The following KCTD13 variants were observed in gnomAD, a reference collection of about 807,000 sequenced individuals.
KCTD13 encodes the protein BTB/POZ domain-containing adapter for CUL3-mediated RhoA degradation protein 1.
In KCTD13, 15 loss-of-function variants were observed where a neutral mutation model predicts 32.3. The observed-to-expected ratio is 0.46, with a 90% confidence interval of 0.31 to 0.71. The LOEUF is 0.71. Ranked by LOEUF, KCTD13 falls within the 30% of genes least tolerant of loss-of-function variation. KCTD13 has a pLI of 0.05. For missense variants in KCTD13, 337 were observed against 452.6 expected, an observed-to-expected ratio of 0.74 and a Z score of 2.32; for synonymous variants, 189 against 200.1, an observed-to-expected ratio of 0.94 and a Z score of 0.47.
intron 1 of KCTD13, among the ~76,000 whole-genome samples, chr16:29,924,174 C>CAAA (rs72170823): frequency 7.0e-6 from 1 of 143,614 alleles, no homozygotes; most frequent in Admixed American, 6.9e-5. Flanking sequence ...AACTCCATCT[C>CAAA]AAAAAAAAAG....
At chr16:29,911,689 C>CGAAT (rs1198997243) in intron 4 of KCTD13, 126 bp downstream of exon 4, 9 of 995,548 alleles carry the variant, frequency 9.0e-6, no homozygotes, top group Non-Finnish European at 1.2e-5. Context: ...GAGGCGAAGC[C>CGAAT]GAATCTGCGA....
intron 5 of KCTD13, among the ~76,000 whole-genome samples, chr16:29,907,732 G>A (rs749447214): frequency 5.3e-5 from 8 of 152,034 alleles, no homozygotes; most frequent in Non-Finnish European, 7.3e-5. Flanking sequence ...AGGTTGCAGT[G>A]AGCCAAGATT....
At chr16:29,925,429 C>A in intron 1 of KCTD13, 2 of 302,936 alleles carry the variant, frequency 6.6e-6, no homozygotes, top group South Asian at 3.2e-5. Flanking sequence ...AGGAAGGCTG[C>A]CAGGAGTAGT....
chr16:29,912,330 T>C (rs1306203636), intron 2 of KCTD13: 2 of 521,330 alleles, frequency 3.8e-6, no homozygotes, highest in South Asian at 2.5e-5. Flanking sequence ...CAGCGTGGCG[T>C]GTCCGTCATG....
At chr16:29,914,263 C>G (rs1376600862) in intron 2 of KCTD13, 2 of 152,058 alleles carry the variant, frequency 1.3e-5, no homozygotes, top group Non-Finnish European at 2.9e-5. Flanking sequence ...ACCGCTGGCT[C>G]TCAGTGATTT....
intron 2 of KCTD13, among the ~76,000 whole-genome samples, chr16:29,916,784 C>G (rs1438970552): frequency 6.6e-6 from 1 of 152,192 alleles, no homozygotes; most frequent in Admixed American, 6.6e-5. Context: ...CTGGGTGGCC[C>G]TGGCCCAGAA....
chr16:29,911,913 G>A, intron 3 of KCTD13, 46 bp from the exon 4 acceptor site: 1 of 1,609,650 alleles, frequency 6.2e-7, no homozygotes, highest in Non-Finnish European at 8.5e-7. Context: ...GCTGCAGGGA[G>A]AGGCCCCCCC....
chr16:29,926,087 T>C lies in KCTD13; in HGVS notation c.-54A>G, dbSNP rs1384270308. On this transcript the variant is annotated 5_prime_UTR_variant, in exon 1 of 6. Coordinates refer to ENST00000568000, the MANE Select transcript of KCTD13 (RefSeq NM_178863.5). ...CAGGATCTCTCCGCGCCCTGCGGCC[T>C]GCTCCCGAAGACCCTCGGCCGGCCC... The C allele has an allele frequency of 2.1e-6, 3 of 1,443,710 alleles. No individual in the cohort carries two copies. Among genetic ancestry groups the C allele is most frequent in the Non-Finnish European group, 1.8e-6 (2 of 1,106,486 alleles). 89.4% of individuals were successfully genotyped at this position (1,443,710 alleles called of 1,614,324 possible).
chr16:29,924,319 C>A (rs1031492002), intron 1 of KCTD13, among the ~76,000 whole-genome samples: 6 of 152,148 alleles, frequency 3.9e-5, no homozygotes, highest in Non-Finnish European at 8.8e-5. Flanking sequence ...AGTTTTTATA[C>A]ATATTCAACC....
At position 29,911,873 on chromosome 16, in the gene KCTD13, G is replaced by C. The variant is rs747943303; in HGVS notation, c.505-6C>G. 12 of 1,612,028 alleles carry C rather than the reference G, an allele frequency of 7.4e-6. No homozygotes were observed. The highest frequency in any genetic ancestry group is 1.0e-5 in the Non-Finnish European group (12 of 1,178,994). ...TGCAGGAGCTTCACCACGGGCTGGC[G>C]GGGGAGAGAGGATGGACGAGAGGGG... On this transcript the variant is annotated splice_region_variant and splice_polypyrimidine_tract_variant and intron_variant, in intron 3 of 5. Transcript: ENST00000568000.
Position 29,906,629 on chromosome 16 carries a change from G to C in KCTD13, c.*243C>G. The C allele has an allele frequency of 1.5e-6, 1 of 667,286 alleles. No homozygotes were observed. Among genetic ancestry groups the C allele is most frequent in the Admixed American group, 2.0e-5 (1 of 48,848 alleles). The allele number at this position is 667,286 out of a possible 1,614,324, so 41.3% of individuals were successfully genotyped here. A position where few individuals can be genotyped will look rare whatever the true frequency, so the allele number is the denominator to read the frequency against. ...CCAGCTGGAGAGGGAAGGACGCAGG[G>C]CCAGGGTGGGGACAAGTGTTGGCTT... On this transcript the variant is annotated 3_prime_UTR_variant, in exon 6 of 6. Transcript: ENST00000568000.
chr16:29,918,044 G>A (rs1290112799), intron 2 of KCTD13, among the ~76,000 whole-genome samples: 1 of 152,158 alleles, frequency 6.6e-6, no homozygotes, highest in East Asian at 1.9e-4. Flanking sequence ...GGCAAAAAAT[G>A]GTGAGGAATT....
Position 29,926,180 on chromosome 16 carries a change from T to C in KCTD13, c.-147A>G, listed in dbSNP as rs1597035436. 3.2e-6 allele frequency: 3 copies of C among 934,910 alleles called. No individual in the cohort carries two copies. Among genetic ancestry groups the C allele is most frequent in the Admixed American group, 8.1e-5 (2 of 24,646 alleles). The allele number at this position is 934,910 out of a possible 1,614,324, so 57.9% of individuals were successfully genotyped here. A position where few individuals can be genotyped will look rare whatever the true frequency, so the allele number is the denominator to read the frequency against. On this transcript the variant is annotated 5_prime_UTR_variant, in exon 1 of 6. Transcript: ENST00000568000. ...CGCAGCTACTCTGCAAGACCGGCCC[T>C]CCGCCCCATCTCGCTCGCACCACCC... is the stretch of plus-strand genomic sequence containing the variant.
Position 29,923,280 on chromosome 16 carries a change from C to T in KCTD13, c.324G>A (p.Pro108=), listed in dbSNP as rs765515080. Residue 108 remains proline, a synonymous_variant, in exon 2 of 6, where the codon CCG becomes CCA. Transcript: ENST00000568000. The part of the protein sequence containing the change: ...NYLRDGSVPL[P]ESTRELGELL... ...GCTCCCCCAGTTCTCTCGTACTCTC[C>T]GGCAGTGGCACAGACCCATCCCGCA... 10 of 1,614,190 alleles carry T rather than the reference C, an allele frequency of 6.2e-6. No homozygotes were observed. Among genetic ancestry groups the T allele is most frequent in the Admixed American group, 5.0e-5 (3 of 60,022 alleles).
chr16:29,916,262 TA>T (rs1011689550), intron 2 of KCTD13, among the ~76,000 whole-genome samples: 9 of 152,316 alleles, frequency 5.9e-5, no homozygotes, highest in African/African-American at 1.9e-4. Context: ...TTTTTTCTTT[TA>T]ATTTTTTTAG....
intron 2 of KCTD13, among the ~76,000 whole-genome samples, chr16:29,916,471 T>G (rs1455595307): frequency 1.3e-5 from 2 of 152,228 alleles, no homozygotes; most frequent in Non-Finnish European, 2.9e-5. Flanking sequence ...AGTTGTAAAG[T>G]TACTTCTACA....
chr16:29,911,115 A>C lies in KCTD13; in HGVS notation c.616T>G (p.Phe206Val). ...IELFDKLALR[F>V]HGRLLFLKDV... ...TTGAGGAAGAGTAGCCGCCCGTGGA[A>C]GCGCAGGGCCAGCTTGTCGAACAGC... Residue 206 changes from phenylalanine (F) to valine (V), a missense_variant, in exon 5 of 6, where the codon TTC (phenylalanine) becomes GTC (valine). Phe to Val is a conservative substitution (Grantham distance 50, BLOSUM62 -1). This residue lies in a region of KCTD13 where 252 missense variants were observed against 340.2 expected (regional missense o/e 0.74). Transcript: ENST00000568000. The C allele has an allele frequency of 6.2e-7, 1 of 1,614,162 alleles. No homozygotes were observed. The highest frequency in any genetic ancestry group is 2.2e-5 in the East Asian group (1 of 44,888).
intron 2 of KCTD13, among the ~76,000 whole-genome samples, chr16:29,919,176 T>A (rs1368859368): frequency 6.6e-6 from 1 of 152,034 alleles, no homozygotes; most frequent in Non-Finnish European, 1.5e-5. Flanking sequence ...ATACCGGGAG[T>A]AAACAACCAG....
intron 5 of KCTD13, 144 bp from the exon 6 acceptor site, chr16:29,907,252 T>C: frequency 1.7e-6 from 1 of 601,602 alleles, no homozygotes. Context: ...GCCACTCCTT[T>C]ACTCAGCAAA....
Sources: allele counts gnomAD v4.1 joint callset (sites outside exome capture counted in the v4.1 genomes callset), GRCh38; gene constraint gnomAD v4.1.1; regional missense constraint gnomAD v4.1.1; transcripts MANE v1.5; gene names NCBI Gene and HGNC (gene_info 2026-07-23, HGNC 2026-07-21).